Variants in NCOR2 observed in about 807,000 individuals in gnomAD.
NCOR2 encodes the protein nuclear receptor corepressor 2, also known as CTG repeat protein 26.
A neutral mutation model predicts 262.9 loss-of-function variants in NCOR2; 81 were observed. The observed-to-expected ratio is 0.31, with a 90% CI of 0.26 to 0.37. NCOR2 has a LOEUF of 0.37. Ranked by LOEUF, NCOR2 falls within the 10% of genes least tolerant of loss-of-function variation. The pLI is 1.00. For missense variants in NCOR2, 3,385 were observed against 3,621.4 expected (o/e 0.93, Z 1.68); for synonymous variants, 1,659 against 1,559.3 (o/e 1.06, Z -1.51).
chr12:124,392,452 C>A (rs1258804534), intron 16 of NCOR2, among the ~76,000 whole-genome samples: 4 of 152,152 alleles, frequency 2.6e-5, no homozygotes. Flanking sequence ...GACGCGAGCC[C>A]CGAGGCACCG....
At chr12:124,534,045 C>T (rs1382610443) in intron 1 of NCOR2, among the ~76,000 whole-genome samples, 1 of 152,044 alleles carries the variant, frequency 6.6e-6, no homozygotes, top group Non-Finnish European at 1.5e-5. Context: ...TTGGACAACC[C>T]TGGTGTAGCC....
intron 8 of NCOR2, among the ~76,000 whole-genome samples, chr12:124,435,817 C>A (rs1173472313): frequency 1.3e-5 from 2 of 152,218 alleles, no homozygotes; most frequent in African/African-American, 4.8e-5. Flanking sequence ...GGCTCAGGAA[C>A]CAGGTGGTCT....
chr12:124,473,027 C>T, exon 4 of NCOR2: 1 of 1,614,186 alleles, frequency 6.2e-7, no homozygotes, highest in South Asian at 1.1e-5. Context: ...TGTTCTGGAT[C>T]AGCTCCTCCT....
intron 28 of NCOR2, 122 bp from the exon 31 acceptor site, chr12:124,348,436 A>C: frequency 1.5e-6 from 2 of 1,339,070 alleles, no homozygotes; most frequent in Non-Finnish European, 1.0e-6. Flanking sequence ...GCCCCGTCAC[A>C]AAGCCTCACA....
chr12:124,522,151 C>T (rs1179708670), intron 1 of NCOR2, among the ~76,000 whole-genome samples: 2 of 152,232 alleles, frequency 1.3e-5, no homozygotes, highest in South Asian at 2.1e-4. Flanking sequence ...AGCTATCAGA[C>T]ATTCGAGAAG....
At chr12:124,458,552 A>G (rs1354349492) in intron 5 of NCOR2, among the ~76,000 whole-genome samples, 2 of 152,140 alleles carry the variant, frequency 1.3e-5, no homozygotes, top group Non-Finnish European at 2.9e-5. Context: ...GAACTATTAC[A>G]GCGATGGTCA....
At position 124,457,228 on chromosome 12, in the gene NCOR2, G is replaced by T; in HGVS notation, c.706-66C>A. On this transcript the variant is annotated intron_variant, in intron 5 of 46. Coordinates refer to ENST00000405201, the Ensembl canonical transcript of NCOR2. This position sits in a 1 kb window ranked among gnomAD's most constrained non-coding sequence, Gnocchi z 4.0. ...CAAAAAAACACAGATTATAAATAGA[G>T]GCTTCCCGGAGCAGCGGGCACCTGC... 1 of 1,476,762 alleles carries T rather than the reference G, an allele frequency of 6.8e-7. No homozygotes were observed. The highest frequency in any genetic ancestry group is 1.5e-5 in the African/African-American group (1 of 66,974). 91.5% of individuals were successfully genotyped at this position (1,476,762 alleles called of 1,614,324 possible).
At chr12:124,427,515 G>C (rs535041682) in intron 10 of NCOR2, among the ~76,000 whole-genome samples, 1 of 152,346 alleles carries the variant, frequency 6.6e-6, no homozygotes, top group South Asian at 2.1e-4. Flanking sequence ...AGGACTCCGC[G>C]TAGCCAAGGT....
chr12:124,435,778 G>A (rs1398012487), intron 8 of NCOR2, among the ~76,000 whole-genome samples: 1 of 152,154 alleles, frequency 6.6e-6, no homozygotes, highest in African/African-American at 2.4e-5. Flanking sequence ...GGACTCTCTC[G>A]GAACTGCCCC....
chr12:124,374,197 G>A (rs1347299808), intron 19 of NCOR2, among the ~76,000 whole-genome samples: 2 of 152,240 alleles, frequency 1.3e-5, no homozygotes, highest in African/African-American at 2.4e-5. Flanking sequence ...GCAAAGCAGT[G>A]GAGACGGGAA....
chr12:124,334,743 G>T (rs1337929471), intron 40 of NCOR2, 126 bp from the exon 43 acceptor site: 1 of 590,268 alleles, frequency 1.7e-6, no homozygotes, highest in Admixed American at 3.5e-5. Context: ...GGGTGACTGT[G>T]GACCTGCCCG....
chr12:124,426,052 G>T (rs75494638), intron 11 of NCOR2, among the ~76,000 whole-genome samples: 3,364 of 152,314 alleles, frequency 0.022, 122 homozygotes, highest in East Asian at 0.19. Context: ...GCCCAAGGCT[G>T]CGGCCCAGCC....
chr12:124,357,890 G>A (rs543685480), intron 22 of NCOR2, among the ~76,000 whole-genome samples: 1 of 143,688 alleles, frequency 7.0e-6, no homozygotes, highest in Non-Finnish European at 1.5e-5. Context: ...TGTTGAAGGA[G>A]GTAACCTGTG....
intron 13 of NCOR2, among the ~76,000 whole-genome samples, chr12:124,410,022 T>A (rs1323125471): frequency 6.6e-6 from 1 of 151,242 alleles, no homozygotes; most frequent in Admixed American, 6.6e-5. Context: ...TAGAATGACA[T>A]CCCTGCAGAA....
intron 1 of NCOR2, among the ~76,000 whole-genome samples, chr12:124,534,689 G>A (rs974685241): frequency 6.6e-6 from 1 of 152,236 alleles, no homozygotes; most frequent in African/African-American, 2.4e-5. Flanking sequence ...TGGGAAATGA[G>A]CACTCCGGGA....
intron 3 of NCOR2, among the ~76,000 whole-genome samples, chr12:124,477,885 A>T (rs1243919720): frequency 1.3e-5 from 2 of 152,230 alleles, no homozygotes; most frequent in African/African-American, 4.8e-5. Context: ...AGCTAGCGTG[A>T]AAGAGAAAAG....
At chr12:124,473,426 T>A (rs1749982461) in intron 3 of NCOR2, among the ~76,000 whole-genome samples, 1 of 152,150 alleles carries the variant, frequency 6.6e-6, no homozygotes, top group South Asian at 2.1e-4. Flanking sequence ...TACATCTTTC[T>A]CCCGTGCTGG....
rs889105413 is a variant in NCOR2, at chr12:124,440,164, G to A, written c.816-2168C>T. 1.3e-5 allele frequency among the ~76,000 whole-genome samples: 2 copies of A among 152,198 alleles called. No individual in the cohort carries two copies. Among genetic ancestry groups the A allele is most frequent in the African/African-American group, 2.4e-5 (1 of 41,438 alleles). On this transcript the variant is annotated intron_variant, in intron 7 of 46. Transcript: ENST00000405201. This position sits in a 1 kb window ranked among gnomAD's most constrained non-coding sequence, Gnocchi z 5.7. ...CATTCAGTGGCACCCGCTTTTCTGG[G>A]GAGGGGATCCCCAACTTTTTCATAT...
Position 124,385,600 on chromosome 12 carries a change from A to G in NCOR2, c.2019+145T>C. 2.4e-6 allele frequency: 3 copies of G among 1,257,664 alleles called. No individual in the cohort carries two copies. The South Asian group carries it at 4.5e-5, about 19-fold the overall frequency. The allele number at this position is 1,257,664 out of a possible 1,614,324, so 77.9% of individuals were successfully genotyped here. ...CCATCTCGGGGTACTCCCGGGCTTG[A>G]ACCCCCAGAAGCTGAGTTCTAACAA... On this transcript the variant is annotated intron_variant, in intron 17 of 46. Transcript: ENST00000405201.
Sources: allele counts gnomAD v4.1 joint callset (sites outside exome capture counted in the v4.1 genomes callset), GRCh38; gene constraint gnomAD v4.1.1; non-coding constraint Gnocchi (gnomAD v3.1); transcripts MANE v1.5; gene names NCBI Gene and HGNC (gene_info 2026-07-23, HGNC 2026-07-21).